Variants in EIF4G3 observed in about 807,000 individuals in gnomAD.
EIF4G3 encodes the protein eIF-4-gamma 3.
Under a neutral mutation model 186.4 loss-of-function variants are expected in EIF4G3, and 34 were observed. The observed-to-expected ratio is 0.18, with a 90% CI of 0.14 to 0.24. EIF4G3 has a LOEUF of 0.24. Among genes scored for constraint, EIF4G3 ranks in the 10% least tolerant of loss-of-function variants. The pLI is 1.00. For missense variants in EIF4G3, 1,536 were observed against 1,948.5 expected, an observed-to-expected ratio of 0.79 and a Z score of 3.99; for synonymous variants, 673 against 679.5, an observed-to-expected ratio of 0.99 and a Z score of 0.15.
intron 2 of EIF4G3, among the ~76,000 whole-genome samples, chr1:21,120,998 C>T (rs1236309374): frequency 6.6e-6 from 1 of 152,160 alleles, no homozygotes; most frequent in Non-Finnish European, 1.5e-5. Flanking sequence ...TGACTCTCTA[C>T]AGCCTCAACT....
At chr1:20,950,446 A>G (rs1317476048) in intron 12 of EIF4G3, among the ~76,000 whole-genome samples, 1 of 152,172 alleles carries the variant, frequency 6.6e-6, no homozygotes, top group Non-Finnish European at 1.5e-5. Flanking sequence ...AATAGACGAC[A>G]CATCTGAGAA....
chr1:20,817,589 A>T, intron 33 of EIF4G3, 51 bp from the exon 34 acceptor site: 1 of 1,210,584 alleles, frequency 8.3e-7, no homozygotes, highest in East Asian at 3.0e-5. Context: ...ATTCTATGTT[A>T]TTGTCATCCT....
At chr1:20,863,739 C>T (rs2076934141) in intron 22 of EIF4G3, among the ~76,000 whole-genome samples, 1 of 149,350 alleles carries the variant, frequency 6.7e-6, no homozygotes, top group Admixed American at 6.8e-5. Flanking sequence ...CCACCGTGCC[C>T]GGCTGACCCT....
At chr1:21,029,811 G>C (rs980973314) in intron 4 of EIF4G3, among the ~76,000 whole-genome samples, 1 of 152,010 alleles carries the variant, frequency 6.6e-6, no homozygotes, top group African/African-American at 2.4e-5. Context: ...GCATGGGATA[G>C]GAAAAAGGAA....
chr1:20,928,630 T>C (rs1044724872), intron 14 of EIF4G3, among the ~76,000 whole-genome samples: 1 of 152,238 alleles, frequency 6.6e-6, no homozygotes, highest in Non-Finnish European at 1.5e-5. Context: ...CTTGATCTCC[T>C]GACCTCGTGA....
chr1:21,109,713 G>T (rs1199469111), intron 2 of EIF4G3, among the ~76,000 whole-genome samples: 6 of 152,112 alleles, frequency 3.9e-5, no homozygotes, highest in African/African-American at 1.2e-4. Context: ...GTTCCTCTAG[G>T]AATTATTGCT....
At chr1:20,940,314 A>C (rs1308812036) in intron 14 of EIF4G3, among the ~76,000 whole-genome samples, 1 of 152,100 alleles carries the variant, frequency 6.6e-6, no homozygotes, top group Non-Finnish European at 1.5e-5. Context: ...ATTTATGAAA[A>C]ATTTCTCACT....
intron 35 of EIF4G3, among the ~76,000 whole-genome samples, chr1:20,811,492 T>C (rs2059238050): frequency 1.3e-5 from 2 of 152,172 alleles, no homozygotes; most frequent in Non-Finnish European, 2.9e-5. Flanking sequence ...AGGCAAATAT[T>C]TTGAAATCCA....
intron 3 of EIF4G3, among the ~76,000 whole-genome samples, chr1:21,078,380 A>G (rs1393005516): frequency 6.6e-6 from 1 of 151,964 alleles, no homozygotes; most frequent in African/African-American, 2.4e-5. Flanking sequence ...CTTTACTCCT[A>G]TGTGGGAGTT....
intron 20 of EIF4G3, among the ~76,000 whole-genome samples, chr1:20,871,805 G>C (rs1247933873): frequency 6.6e-6 from 1 of 152,026 alleles, no homozygotes; most frequent in Non-Finnish European, 1.5e-5. Context: ...CAATTGGGTA[G>C]ACTCCATTTC....
chr1:20,991,266 G>T (rs567358743), intron 7 of EIF4G3, among the ~76,000 whole-genome samples: 2 of 152,218 alleles, frequency 1.3e-5, no homozygotes, highest in African/African-American at 4.8e-5. Context: ...TTAACTACTT[G>T]TACTAAAAAT....
intron 10 of EIF4G3, among the ~76,000 whole-genome samples, chr1:20,974,884 AG>A (rs1322150673): frequency 6.6e-6 from 1 of 152,202 alleles, no homozygotes; most frequent in Non-Finnish European, 1.5e-5. Flanking sequence ...CGTAACAAGA[AG>A]GAAAAAAATA....
chr1:21,010,855 C>T (rs560660030), intron 4 of EIF4G3, among the ~76,000 whole-genome samples: 3 of 152,336 alleles, frequency 2.0e-5, no homozygotes, highest in South Asian at 2.1e-4. Flanking sequence ...GAATTTCCTA[C>T]ACAGTCTTAA....
At chr1:21,123,085 T>C (rs1181977963) in intron 2 of EIF4G3, among the ~76,000 whole-genome samples, 2 of 152,192 alleles carry the variant, frequency 1.3e-5, no homozygotes, top group Non-Finnish European at 2.9e-5. Flanking sequence ...TCTTTCTTAA[T>C]GGTAAATTAT....
intron 2 of EIF4G3, among the ~76,000 whole-genome samples, chr1:21,098,376 T>C (rs1197073466): frequency 6.6e-6 from 1 of 151,356 alleles, no homozygotes; most frequent in South Asian, 2.1e-4. Context: ...ACTGCATCTC[T>C]ACTAAAAACA....
At chr1:20,956,617 CAAAAAA>C (rs61623629) in intron 12 of EIF4G3, among the ~76,000 whole-genome samples, 86 of 114,578 alleles carry the variant, frequency 7.5e-4, no homozygotes, top group African/African-American at 2.5e-3. Context: ...GTATAATTTA[CAAAAAA>C]AAAAAAAAAA....
At chr1:20,975,250 A>T (rs898149139) in intron 10 of EIF4G3, among the ~76,000 whole-genome samples, 3 of 152,170 alleles carry the variant, frequency 2.0e-5, no homozygotes, top group Admixed American at 6.5e-5. Context: ...CTGGCTCAGA[A>T]ATTAACTCAG....
intron 4 of EIF4G3, among the ~76,000 whole-genome samples, chr1:21,013,458 G>C (rs1443726868): frequency 6.6e-6 from 1 of 152,286 alleles, no homozygotes; most frequent in East Asian, 1.9e-4. Context: ...CATCATGACA[G>C]AAGGAAAAGA....
At chr1:20,838,340 T>C (rs930624759) in intron 30 of EIF4G3, among the ~76,000 whole-genome samples, 2 of 152,222 alleles carry the variant, frequency 1.3e-5, no homozygotes, top group African/African-American at 4.8e-5. Context: ...TTTACCATTA[T>C]CATTTCCAGA....
Sources: gnomAD v4.1 joint callset for allele counts (sites outside exome capture counted in the v4.1 genomes callset) on GRCh38, gnomAD v4.1.1 for gene constraint, MANE v1.5 for transcripts, NCBI Gene and HGNC (gene_info 2026-07-23, HGNC 2026-07-21) for gene names.